The following CSNK2A1 variants were observed in gnomAD, a reference collection of about 807,000 sequenced individuals.
The protein encoded by CSNK2A1 is casein kinase II subunit alpha.
CSNK2A1 carries 10 observed loss-of-function variants against 62.9 expected under a neutral mutation model. That is an observed-to-expected ratio of 0.16 (90% CI 0.10 to 0.27). CSNK2A1 has a LOEUF of 0.27. Among genes scored for constraint, CSNK2A1 ranks in the 10% least tolerant of loss-of-function variants. The pLI is 1.00. For synonymous variants in CSNK2A1, 124 were observed against 167.8 expected (o/e 0.74, Z 2.02); for missense variants, 160 against 492.0 (o/e 0.33, Z 6.38).
At chr20:534,120 T>G (rs537006582) in intron 1 of CSNK2A1, among the ~76,000 whole-genome samples, 3 of 152,344 alleles carry the variant, frequency 2.0e-5, no homozygotes, top group African/African-American at 7.2e-5. Flanking sequence ...AGGCACAGTA[T>G]CAGATGCATA....
At chr20:537,720 A>G (rs6116469) in intron 1 of CSNK2A1, among the ~76,000 whole-genome samples, 18 of 152,336 alleles carry the variant, frequency 1.2e-4, no homozygotes, top group African/African-American at 4.1e-4. Context: ...AAATTCAGGT[A>G]TAAGAACACA....
intron 13 of CSNK2A1, among the ~76,000 whole-genome samples, chr20:485,589 A>G (rs2018080869): frequency 6.6e-6 from 1 of 152,258 alleles, no homozygotes; most frequent in African/African-American, 2.4e-5. Context: ...AAATGGATAT[A>G]CCATAACTGA....
chr20:492,186 T>C, intron 9 of CSNK2A1, 68 bp downstream of exon 9: 3 of 1,388,972 alleles, frequency 2.2e-6, no homozygotes, highest in Non-Finnish European at 3.0e-6. Flanking sequence ...ATGATACTTT[T>C]TTTTTTTTGG....
chr20:479,136 C>T lies in CSNK2A1; in HGVS notation c.*4825G>A, dbSNP rs866358218. On this transcript the variant is annotated 3_prime_UTR_variant, in exon 14 of 14. Coordinates refer to ENST00000217244, the MANE Select transcript of CSNK2A1 (RefSeq NM_177559.3). ...GATATTTTTTCTTCTAGTAAAGACA[C>T]TTTACTGCCACCTGCTGGAAAAGAG... 25 of 152,430 alleles carry T rather than the reference C, an allele frequency of 1.6e-4. No individual in the cohort carries two copies. The highest frequency in any genetic ancestry group is 5.5e-4 in the African/African-American group (23 of 41,554). The allele number at this position is 152,430 out of a possible 1,614,324, so 9.4% of individuals were successfully genotyped here.
intron 2 of CSNK2A1, among the ~76,000 whole-genome samples, chr20:509,511 GATAACGTGAGAAGGAT>G (rs1568533795): frequency 1.3e-5 from 2 of 152,206 alleles, no homozygotes; most frequent in Non-Finnish European, 2.9e-5. Flanking sequence ...TCCAGATTGT[GATAACGTGAGAAGGAT>G]ATAACACGTA....
At chr20:496,968 G>GT (rs1402053170) in intron 7 of CSNK2A1, among the ~76,000 whole-genome samples, 1 of 152,148 alleles carries the variant, frequency 6.6e-6, no homozygotes, top group African/African-American at 2.4e-5. Flanking sequence ...CACGTCAGGT[G>GT]TTTTCACGAG....
At position 516,755 on chromosome 20, in the gene CSNK2A1, C is replaced by A. The variant is rs113156344; in HGVS notation, c.-109-8095G>T. On this transcript the variant is annotated intron_variant, in intron 2 of 13. Transcript: ENST00000217244. ...TTTTTATTGATGAATTTCCTAGTATCAGAAATGGAAAAGATCATTCTAGAA... is the reference window on the plus strand; with the variant it reads ...TTTTTATTGATGAATTTCCTAGTATAAGAAATGGAAAAGATCATTCTAGAA... 2.5e-3 allele frequency among the ~76,000 whole-genome samples: 387 copies of A among 152,186 alleles called. 1 individual carries two copies. Among genetic ancestry groups the A allele is most frequent in the African/African-American group, 8.9e-3 (371 of 41,522 alleles).
At chr20:506,682 G>A (rs1320990759) in intron 3 of CSNK2A1, 2 of 152,126 alleles carry the variant, frequency 1.3e-5, no homozygotes, top group African/African-American at 2.4e-5. Flanking sequence ...TTTTCCTCAA[G>A]TAGCTAAAAA....
intron 1 of CSNK2A1, among the ~76,000 whole-genome samples, chr20:529,153 TAGCTGGGACCACGGGCATGC>T (rs1380798068): frequency 6.6e-6 from 1 of 151,654 alleles, no homozygotes; most frequent in Non-Finnish European, 1.5e-5. Flanking sequence ...GCCTCCCTTG[TAGCTGGGACCACGGGCATGC>T]ACCACCACTC....
chr20:527,002 A>AGAGAGAGG (rs1491185837), intron 2 of CSNK2A1: 1 of 13,848 alleles, frequency 7.2e-5, no homozygotes, highest in Non-Finnish European at 2.0e-4. Context: ...AGAGACAGAC[A>AGAGAGAGG]GAGAGAGAGA....
chr20:538,698 G>A (rs1040937454), intron 1 of CSNK2A1, among the ~76,000 whole-genome samples: 1 of 152,166 alleles, frequency 6.6e-6, no homozygotes, highest in African/African-American at 2.4e-5. Flanking sequence ...CTGAGCTGGG[G>A]TGGGGTGGGA....
At chr20:491,137 C>G (rs2018226838) in intron 9 of CSNK2A1, among the ~76,000 whole-genome samples, 1 of 152,108 alleles carries the variant, frequency 6.6e-6, no homozygotes, top group South Asian at 2.1e-4. Context: ...AACAAAAAGT[C>G]TGAAACTTTT....
At chr20:522,751 C>T (rs770272814) in intron 2 of CSNK2A1, among the ~76,000 whole-genome samples, 2 of 152,148 alleles carry the variant, frequency 1.3e-5, no homozygotes, top group Middle Eastern at 3.4e-3. Context: ...GGCTGGAGTG[C>T]AATGGTGTGA....
At chr20:487,231 T>C in intron 12 of CSNK2A1, 196 bp downstream of exon 12, 1 of 689,258 alleles carries the variant, frequency 1.5e-6, no homozygotes, top group African/African-American at 1.8e-5. Context: ...AATGCTCTTG[T>C]GTCATGTATT....
chr20:495,646 G>A, intron 8 of CSNK2A1, 73 bp downstream of exon 8: 1 of 1,303,590 alleles, frequency 7.7e-7, no homozygotes, highest in Non-Finnish European at 1.1e-6. Context: ...GACAACACAA[G>A]GGATAAAGTG....
intron 4 of CSNK2A1, chr20:502,569 A>G (rs2018493538): frequency 6.6e-6 from 1 of 152,248 alleles, no homozygotes; most frequent in African/African-American, 2.4e-5. Flanking sequence ...AATATGGTTT[A>G]CAAAGGAAAT....
intron 12 of CSNK2A1, 82 bp downstream of exon 12, chr20:487,345 G>A: frequency 6.3e-7 from 1 of 1,578,940 alleles, no homozygotes; most frequent in South Asian, 1.1e-5. Flanking sequence ...TTTGCAGCAA[G>A]CTGACAGGAG....
intron 1 of CSNK2A1, among the ~76,000 whole-genome samples, chr20:537,767 C>T (rs190913379): frequency 6.6e-6 from 1 of 152,184 alleles, no homozygotes; most frequent in Admixed American, 6.5e-5. Flanking sequence ...TCCAGGTTAC[C>T]CACGAATTGT....
intron 1 of CSNK2A1, among the ~76,000 whole-genome samples, chr20:530,798 TCAGGGGC>T (rs1043633576): frequency 1.3e-5 from 2 of 152,040 alleles, no homozygotes; most frequent in African/African-American, 2.4e-5. Context: ...AAAAAGTAAA[TCAGGGGC>T]CAGGCATAGT....
Sources: allele counts gnomAD v4.1 joint callset (sites outside exome capture counted in the v4.1 genomes callset), GRCh38; gene constraint gnomAD v4.1.1; transcripts MANE v1.5; gene names NCBI Gene and HGNC (gene_info 2026-07-23, HGNC 2026-07-21).